The following KDR variants were observed in gnomAD, a reference collection of about 807,000 sequenced individuals.
The protein encoded by KDR is vascular endothelial growth factor receptor 2.
KDR carries 43 observed loss-of-function variants against 160.9 expected under a neutral mutation model. The observed-to-expected ratio is 0.27, with a 90% confidence interval of 0.21 to 0.34. The LOEUF (loss-of-function observed/expected upper bound fraction) is 0.34. KDR is among the 10% of genes least tolerant of loss of function. The pLI is 1.00. For synonymous variants in KDR, 617 were observed against 600.1 expected (o/e 1.03, Z -0.41); for missense variants, 1,469 against 1,666.4 (o/e 0.88, Z 2.06).
rs1471607120 is a variant in KDR, at chr4:55,082,530, A to T, written c.3762+6T>A. On this transcript the variant is annotated splice_donor_region_variant and intron_variant, in intron 28 of 29. Coordinates refer to ENST00000263923, the MANE Select transcript of KDR (RefSeq NM_002253.4). The stretch of plus-strand genomic sequence containing the variant: ...TTCTAAGACTATTTTTAAAAGACGT[A>T]CTTACATCTGGGATTACTTTTACTT... 2 of 1,567,180 alleles carry T rather than the reference A, an allele frequency of 1.3e-6. No homozygotes were observed. Among genetic ancestry groups the T allele is most frequent in the Admixed American group, 3.3e-5 (2 of 59,960 alleles).
intron 7 of KDR, 126 bp from the exon 8 acceptor site, chr4:55,110,894 T>C: frequency 4.0e-6 from 3 of 746,668 alleles, no homozygotes; most frequent in Non-Finnish European, 6.8e-6. Flanking sequence ...AGATTTCCTG[T>C]ACTATCTTTC....
At chr4:55,094,027 C>T (rs1720086016) in intron 21 of KDR, among the ~76,000 whole-genome samples, 1 of 150,752 alleles carries the variant, frequency 6.6e-6, no homozygotes, top group Admixed American at 6.6e-5. Flanking sequence ...TGGTGAAACC[C>T]CATCTTTACT....
At chr4:55,105,009 T>G in intron 12 of KDR, 25 bp from the exon 13 acceptor site, 1 of 1,584,278 alleles carries the variant, frequency 6.3e-7, no homozygotes, top group Non-Finnish European at 8.7e-7. Context: ...CCATAGTTAT[T>G]GAATGGTGAT....
intron 25 of KDR, 110 bp downstream of exon 25, chr4:55,089,264 G>T: frequency 2.5e-6 from 2 of 786,356 alleles, no homozygotes; most frequent in Admixed American, 2.1e-5. Context: ...CAAAGTAAAA[G>T]CAGGACACTA....
rs2110018156 is a variant in KDR, at chr4:55,098,753, C to T, written c.2317G>A (p.Val773Met). The T allele has an allele frequency of 6.2e-7, 1 of 1,613,378 alleles. No homozygotes were observed. Among genetic ancestry groups the T allele is most frequent in the East Asian group, 2.2e-5 (1 of 44,838 alleles). Residue 773 changes from valine (V) to methionine (M), a missense_variant, in exon 16 of 30, where the codon GTG (valine) becomes ATG (methionine). This residue lies in a region of KDR where 118 missense variants were observed against 110.8 expected (regional missense o/e 1.06). Transcript: ENST00000263923. The part of the protein sequence containing the change: ...LEIIILVGTA[V>M]IAMFFWLLLV... ...AGTAGCCAGAAGAACATGGCAATCACCGCCGTGCCTACTAGAATAATGATT... is the reference window on the plus strand; with the variant it reads ...AGTAGCCAGAAGAACATGGCAATCATCGCCGTGCCTACTAGAATAATGATT...
intron 11 of KDR, 59 bp downstream of exon 11, chr4:55,106,628 T>C (rs1720450917): frequency 1.6e-6 from 2 of 1,239,524 alleles, no homozygotes; most frequent in African/African-American, 3.0e-5. Context: ...TCACATATTA[T>C]TGTACCATCC....
intron 29 of KDR, among the ~76,000 whole-genome samples, chr4:55,080,660 T>G (rs1039511004): frequency 6.6e-6 from 1 of 152,222 alleles, no homozygotes; most frequent in African/African-American, 2.4e-5. Flanking sequence ...GAAGCATGTG[T>G]GCAGTCAAGC....
At position 55,079,869 on chromosome 4, in the gene KDR, A is replaced by G; in HGVS notation, c.*72T>C. ...ATGCGGCTACTTCCTGCTGGTGGAA[A>G]GAACAACACTTGAAAATCTGAGCAG... On this transcript the variant is annotated 3_prime_UTR_variant, in exon 30 of 30. Coordinates refer to ENST00000263923, the MANE Select transcript of KDR (RefSeq NM_002253.4). The G allele has an allele frequency of 7.4e-7, 1 of 1,352,664 alleles. No individual in the cohort carries two copies. The highest frequency in any genetic ancestry group is 1.1e-6 in the Non-Finnish European group (1 of 942,654). The allele number at this position is 1,352,664 out of a possible 1,614,324, so 83.8% of individuals were successfully genotyped here. A position where few individuals can be genotyped will look rare whatever the true frequency, so the allele number is the denominator to read the frequency against.
chr4:55,082,081 T>A (rs761718110), intron 28 of KDR, 40 bp from the exon 29 acceptor site: 1 of 1,328,658 alleles, frequency 7.5e-7, no homozygotes, highest in Non-Finnish European at 1.1e-6. Flanking sequence ...TAATTGAGCA[T>A]ATAAAATGAC....
At chr4:55,106,055 G>A (rs948049313) in intron 11 of KDR, 115 bp from the exon 12 acceptor site, 6 of 776,624 alleles carry the variant, frequency 7.7e-6, no homozygotes, top group Non-Finnish European at 1.4e-5. Context: ...TCCCACTTCT[G>A]CAGCGGTTGG....
intron 1 of KDR, 53 bp downstream of exon 1, chr4:55,125,174 T>C: frequency 6.5e-7 from 1 of 1,529,888 alleles, no homozygotes; most frequent in South Asian, 1.2e-5. Context: ...TTTCAGGTCC[T>C]CTCCGCCCTC....
rs751902659 is a variant in KDR, at chr4:55,082,620, G to A, written c.3678C>T (p.Asn1226=). Residue 1226 remains asparagine, a synonymous_variant, in exon 28 of 30, where the codon AAC becomes AAT. Coordinates refer to ENST00000263923, the MANE Select transcript of KDR (RefSeq NM_002253.4). ...NTAGISQYLQ[N]SKRKSRPVSV... ...TCACAGGCCGGCTCTTTCGCTTACT[G>A]TTCTGCAGATACTGACTGCAAAAGA... 8 of 1,613,588 alleles carry A rather than the reference G, an allele frequency of 5.0e-6. No homozygotes were observed. Among genetic ancestry groups the A allele is most frequent in the Non-Finnish European group, 6.8e-6 (8 of 1,179,610 alleles).
chr4:55,079,960 A>G lies in KDR; in HGVS notation c.4052T>C (p.Leu1351Pro). 1 of 1,614,154 alleles carries G rather than the reference A, an allele frequency of 6.2e-7. No homozygotes were observed. The highest frequency in any genetic ancestry group is 1.3e-5 in the African/African-American group (1 of 75,048). ...QILQPDSGTT[L>P]SSPPV is the part of the protein sequence containing the mutation. ...TTCCTTTTAAACAGGAGGAGAGCTCAGTGTGGTCCCCGAGTCAGGCTGGAG... is the reference window on the plus strand; with the variant it reads ...TTCCTTTTAAACAGGAGGAGAGCTCGGTGTGGTCCCCGAGTCAGGCTGGAG... The change falls in exon 30 of 30, where the codon CTG (leucine) becomes CCG (proline). Residue 1351 changes from leucine to proline, a missense_variant. By Grantham distance (98) the Leu-to-Pro change is moderately conservative. This residue lies in a region of KDR where 229 missense variants were observed against 197.8 expected (regional missense o/e 1.16). Coordinates refer to ENST00000263923, the MANE Select transcript of KDR (RefSeq NM_002253.4).
chr4:55,087,584 G>C (rs369296279), intron 27 of KDR, 23 bp downstream of exon 27: 6 of 1,612,590 alleles, frequency 3.7e-6, no homozygotes, highest in Non-Finnish European at 5.1e-6. Context: ...CTCCCCCGGG[G>C]GATGTTAGGC....
chr4:55,088,648 A>G (rs553677492), intron 26 of KDR, among the ~76,000 whole-genome samples: 1 of 152,364 alleles, frequency 6.6e-6, no homozygotes, highest in African/African-American at 2.4e-5. Flanking sequence ...GTAGGTAGAA[A>G]TCAGAGTGGT....
At chr4:55,080,305 A>G (rs1195143081) in intron 29 of KDR, 142 bp from the exon 30 acceptor site, 3 of 748,590 alleles carry the variant, frequency 4.0e-6, no homozygotes, top group Admixed American at 2.0e-5. Flanking sequence ...GTTAATCAGC[A>G]TAGCAGGTTT....
chr4:55,116,614 T>C (rs1720741707), intron 3 of KDR, among the ~76,000 whole-genome samples: 1 of 152,050 alleles, frequency 6.6e-6, no homozygotes, highest in African/African-American at 2.4e-5. Flanking sequence ...TGCTTCATAA[T>C]AGTCAGTCAA....
chr4:55,082,173 T>C (rs1292968312), intron 28 of KDR, 132 bp from the exon 29 acceptor site: 5 of 758,154 alleles, frequency 6.6e-6, no homozygotes, highest in African/African-American at 3.4e-5. Context: ...AAAGGTATCA[T>C]AGCCACAAAT....
intron 29 of KDR, 78 bp downstream of exon 29, chr4:55,081,878 T>C: frequency 2.1e-6 from 2 of 951,986 alleles, no homozygotes. Context: ...GGGAAAATTC[T>C]GCACTTACAC....
Sources: allele counts gnomAD v4.1 joint callset (sites outside exome capture counted in the v4.1 genomes callset), GRCh38; gene constraint gnomAD v4.1.1; regional missense constraint gnomAD v4.1.1; transcripts MANE v1.5; gene names NCBI Gene and HGNC (gene_info 2026-07-23, HGNC 2026-07-21).